The following PRH1 variants were observed in gnomAD, a reference collection of about 807,000 sequenced individuals.
The protein encoded by PRH1 is salivary acidic proline-rich phosphoprotein 1/2.
PRH1 carries 7 observed loss-of-function variants against 7.9 expected under a neutral mutation model. The ratio of observed to expected loss-of-function variants is 0.89; its 90% CI spans 0.50 to 1.67. The LOEUF (loss-of-function observed/expected upper bound fraction) is 1.67. PRH1 is among the 40% of genes most tolerant of loss of function. The pLI, the probability that PRH1 is intolerant of heterozygous loss-of-function variation, is 0.00. For synonymous variants in PRH1, 45 were observed against 80.8 expected, an observed-to-expected ratio of 0.56 and a Z score of 2.38; for missense variants, 109 against 223.6, an observed-to-expected ratio of 0.49 and a Z score of 3.27.
At chr12:11,070,181 T>C (rs1249050621) in intron 1 of PRH1, among the ~76,000 whole-genome samples, 1 of 152,044 alleles carries the variant, frequency 6.6e-6, no homozygotes, top group African/African-American at 2.4e-5. Flanking sequence ...TCACAATAAA[T>C]AAAAACGCTT....
At chr12:11,041,152 C>T (rs565091906) in intron 1 of PRH1, among the ~76,000 whole-genome samples, 21 of 131,354 alleles carry the variant, frequency 1.6e-4, no homozygotes, top group Non-Finnish European at 2.9e-4. Flanking sequence ...AATCAAAAGA[C>T]ATAGTTTGGC....
chr12:10,977,010 T>C (rs970888769), intron 1 of PRH1, among the ~76,000 whole-genome samples: 2 of 152,150 alleles, frequency 1.3e-5, no homozygotes, highest in African/African-American at 4.8e-5. Context: ...GTATGATTTA[T>C]ACAGAACCTA....
chr12:10,997,482 T>C, intron 1 of PRH1: 1 of 1,613,708 alleles, frequency 6.2e-7, no homozygotes, highest in African/African-American at 1.3e-5. Context: ...CCCAACACTA[T>C]CACCAGAACT....
intron 1 of PRH1, among the ~76,000 whole-genome samples, chr12:11,083,631 A>G (rs66609452): frequency 6.6e-6 from 1 of 151,188 alleles, no homozygotes; most frequent in East Asian, 1.9e-4. Context: ...ATAAAGTAGA[A>G]TTCACCAGCA....
chr12:10,902,016 C>T (rs942600659), intron 2 of PRH1, among the ~76,000 whole-genome samples: 5 of 151,912 alleles, frequency 3.3e-5, no homozygotes, highest in African/African-American at 1.2e-4. Flanking sequence ...TGGTCCCTAA[C>T]CAAAACAAAA....
At chr12:11,098,639 C>A (rs1592009089) in intron 1 of PRH1, among the ~76,000 whole-genome samples, 1 of 152,228 alleles carries the variant, frequency 6.6e-6, no homozygotes. Flanking sequence ...AGCTTGGTCA[C>A]AACTAAGATC....
At chr12:11,166,063 T>C (rs534790106) in intron 1 of PRH1, 2 of 152,366 alleles carry the variant, frequency 1.3e-5, no homozygotes, top group African/African-American at 2.4e-5. Flanking sequence ...CAAGAAAAAC[T>C]GCCTAAAATC....
intron 1 of PRH1, among the ~76,000 whole-genome samples, chr12:11,141,291 C>T (rs1946696192): frequency 6.6e-6 from 1 of 152,116 alleles, no homozygotes. Flanking sequence ...TTAAAATGCT[C>T]AGCAATTGTG....
chr12:11,136,272 C>T (rs1946552032), intron 1 of PRH1, among the ~76,000 whole-genome samples: 1 of 152,158 alleles, frequency 6.6e-6, no homozygotes, highest in Non-Finnish European at 1.5e-5. Flanking sequence ...TTGGACTCAA[C>T]ATTATGTTTC....
intron 1 of PRH1, among the ~76,000 whole-genome samples, chr12:11,004,742 C>T (rs887059074): frequency 3.3e-5 from 5 of 151,850 alleles, no homozygotes; most frequent in African/African-American, 7.3e-5. Context: ...TGTAATTATA[C>T]TGGAGATATT....
chr12:11,152,577 T>G (rs1947133664), intron 1 of PRH1, among the ~76,000 whole-genome samples: 2 of 152,206 alleles, frequency 1.3e-5, no homozygotes, highest in Admixed American at 6.5e-5. Flanking sequence ...TTATGTTTAT[T>G]GACATCTATG....
At chr12:10,978,911 AC>A (rs1358768228) in intron 1 of PRH1, among the ~76,000 whole-genome samples, 1 of 148,434 alleles carries the variant, frequency 6.7e-6, no homozygotes, top group Non-Finnish European at 1.5e-5. Flanking sequence ...AAACAAACAA[AC>A]AAACAAACAA....
At chr12:11,049,388 C>CTCTA, upstream of PRH1, 8 of 128,084 alleles carry the variant, frequency 6.2e-5, no homozygotes, top group East Asian at 1.1e-4. Flanking sequence ...CCTTTAAATT[C>CTCTA]ATGACTAATT....
At chr12:11,170,000 A>T (rs984996397) in intron 1 of PRH1, among the ~76,000 whole-genome samples, 5 of 152,220 alleles carry the variant, frequency 3.3e-5, no homozygotes, top group Admixed American at 2.0e-4. Context: ...TAGCTGCTAG[A>T]CATGCAGTGC....
intron 1 of PRH1, among the ~76,000 whole-genome samples, chr12:11,136,209 G>A (rs1946548288): frequency 6.6e-6 from 1 of 152,190 alleles, no homozygotes; most frequent in African/African-American, 2.4e-5. Context: ...GGTCTGGCCT[G>A]CTTTGAACTC....
intron 1 of PRH1, among the ~76,000 whole-genome samples, chr12:11,024,297 A>G (rs1941802950): frequency 6.6e-6 from 1 of 152,244 alleles, no homozygotes; most frequent in Non-Finnish European, 1.5e-5. Context: ...AAACATAGCA[A>G]TGTGTCATAA....
chr12:10,967,277 G>A (rs1044444375), intron 2 of PRH1, among the ~76,000 whole-genome samples: 3 of 151,868 alleles, frequency 2.0e-5, no homozygotes, highest in African/African-American at 7.3e-5. Flanking sequence ...TTTTTTCCTA[G>A]GTATATAATG....
intron 1 of PRH1, chr12:10,996,775 T>TTA (rs984767819): frequency 8.3e-5 from 35 of 420,284 alleles, no homozygotes; most frequent in Non-Finnish European, 9.8e-5. Flanking sequence ...CAAATGTATA[T>TTA]TATATATATA....
intron 1 of PRH1, among the ~76,000 whole-genome samples, chr12:11,001,887 G>T (rs990356435): frequency 1.3e-5 from 2 of 151,996 alleles, no homozygotes; most frequent in African/African-American, 4.8e-5. Flanking sequence ...ATGTGGAAAG[G>T]TTAAAAAATA....
Sources: allele counts gnomAD v4.1 joint callset (sites outside exome capture counted in the v4.1 genomes callset), GRCh38; gene constraint gnomAD v4.1.1; transcripts MANE v1.5; gene names NCBI Gene and HGNC (gene_info 2026-07-23, HGNC 2026-07-21).